The following C10orf90 variants were observed in gnomAD, a reference collection of about 807,000 sequenced individuals.
The protein encoded by C10orf90 is chromosome 10 open reading frame 90.
C10orf90 carries 56 observed loss-of-function variants against 62.5 expected under a neutral mutation model. That is an observed-to-expected ratio of 0.90 (90% CI 0.72 to 1.12). C10orf90 has a LOEUF of 1.12. Among genes scored for constraint, C10orf90 ranks in the 50% most tolerant of loss-of-function variants. The pLI is 0.00. For missense variants in C10orf90, 970 were observed against 880.4 expected, an observed-to-expected ratio of 1.10 and a Z score of -1.29; for synonymous variants, 386 against 340.4, an observed-to-expected ratio of 1.13 and a Z score of -1.47.
intron 2 of C10orf90, among the ~76,000 whole-genome samples, chr10:126,623,018 G>A (rs886844357): frequency 1.1e-4 from 16 of 152,170 alleles, no homozygotes; most frequent in African/African-American, 3.9e-4. Flanking sequence ...CATCCTCCAT[G>A]GGAGATGTAG....
At chr10:126,455,946 G>A (rs1451270927) in intron 7 of C10orf90, among the ~76,000 whole-genome samples, 1 of 152,278 alleles carries the variant, frequency 6.6e-6, no homozygotes, top group Non-Finnish European at 1.5e-5. Context: ...GTCAGCTGCC[G>A]GGGCTCCCAC....
chr10:126,485,166 T>C (rs980404175), intron 4 of C10orf90, among the ~76,000 whole-genome samples: 1 of 152,180 alleles, frequency 6.6e-6, no homozygotes. Context: ...CAGCAGCCAG[T>C]GAGCTAGCTA....
chr10:126,657,543 C>A (rs1221547502), intron 1 of C10orf90, among the ~76,000 whole-genome samples: 1 of 151,538 alleles, frequency 6.6e-6, no homozygotes, highest in East Asian at 1.9e-4. Context: ...TCCAATTGAT[C>A]AATTTTTTTT....
rs779964630 is a variant in C10orf90 at position 126,504,246 on chromosome 10, G to T, written c.1245C>A (p.Ala415=). The T allele has an allele frequency of 7.4e-6, 12 of 1,614,114 alleles. No individual in the cohort carries two copies. Among genetic ancestry groups the T allele is most frequent in the Non-Finnish European group, 1.0e-5 (12 of 1,180,022 alleles). ...GLVNREPISE[A]LKQELLEGDQ... ...CTCCCTCCAGGAGCTCCTGCTTCAG[G>T]GCTTCGCTTATTGGCTCTCTGTTCA... Residue 415 remains alanine (A), a synonymous_variant, in exon 4 of 10, where the codon GCC becomes GCA. Coordinates refer to ENST00000488181, the MANE Select transcript of C10orf90 (RefSeq NM_001350921.2). This position sits in a 1 kb window ranked among gnomAD's most constrained non-coding sequence, Gnocchi z 4.1.
At chr10:126,610,192 G>C (rs920459767) in intron 2 of C10orf90, among the ~76,000 whole-genome samples, 9 of 152,318 alleles carry the variant, frequency 5.9e-5, no homozygotes, top group Admixed American at 2.0e-4. Context: ...GCTTCTAGGG[G>C]GTTCACCCAA....
At chr10:126,563,180 C>T (rs1181785709) in intron 2 of C10orf90, among the ~76,000 whole-genome samples, 1 of 152,222 alleles carries the variant, frequency 6.6e-6, no homozygotes, top group Non-Finnish European at 1.5e-5. Context: ...CACGTCCACT[C>T]ACTGCCTTGG....
chr10:126,451,773 T>G (rs1018149067), intron 7 of C10orf90, among the ~76,000 whole-genome samples: 7 of 152,150 alleles, frequency 4.6e-5, no homozygotes, highest in South Asian at 2.1e-4. Flanking sequence ...TCCTGTCATC[T>G]GCAACACCAG....
chr10:126,457,933 T>A (rs899752075), intron 7 of C10orf90, among the ~76,000 whole-genome samples: 2 of 152,178 alleles, frequency 1.3e-5, no homozygotes, highest in African/African-American at 4.8e-5. Flanking sequence ...TCTTTGCACA[T>A]CCCCTTTCGT....
At chr10:126,499,878 G>A (rs1381361387) in intron 4 of C10orf90, among the ~76,000 whole-genome samples, 2 of 152,136 alleles carry the variant, frequency 1.3e-5, no homozygotes, top group African/African-American at 4.8e-5. Context: ...CCTCTACTTG[G>A]ATATCTCAGA....
chr10:126,537,611 T>A (rs1050705679), intron 2 of C10orf90, among the ~76,000 whole-genome samples: 1 of 152,200 alleles, frequency 6.6e-6, no homozygotes, highest in East Asian at 1.9e-4. Context: ...TCACCACTTT[T>A]TAAGTTCTCT....
chr10:126,566,252 G>T (rs1844386709), intron 2 of C10orf90, among the ~76,000 whole-genome samples: 1 of 152,198 alleles, frequency 6.6e-6, no homozygotes, highest in African/African-American at 2.4e-5. Context: ...AGCTATGATT[G>T]AAAGACAGTA....
chr10:126,565,174 AT>A (rs1844323843), intron 2 of C10orf90, among the ~76,000 whole-genome samples: 2 of 69,642 alleles, frequency 2.9e-5, no homozygotes, highest in Non-Finnish European at 5.0e-5. Flanking sequence ...TATATTACAT[AT>A]TATGTAATAT....
intron 2 of C10orf90, among the ~76,000 whole-genome samples, chr10:126,563,981 G>A (rs934848180): frequency 1.3e-5 from 2 of 152,158 alleles, no homozygotes; most frequent in Non-Finnish European, 2.9e-5. Flanking sequence ...GCTGTCCTGT[G>A]CCTTGTGGGA....
chr10:126,557,189 GA>G (rs1176371371), intron 2 of C10orf90, among the ~76,000 whole-genome samples: 1 of 151,904 alleles, frequency 6.6e-6, no homozygotes, highest in Non-Finnish European at 1.5e-5. Flanking sequence ...TTCAGATTAA[GA>G]AATAAATGTG....
intron 3 of C10orf90, among the ~76,000 whole-genome samples, chr10:126,506,359 C>T (rs986769700): frequency 6.6e-6 from 1 of 152,210 alleles, no homozygotes; most frequent in Non-Finnish European, 1.5e-5. Context: ...AGGGTCCTGG[C>T]CCCCGTTTAG....
At chr10:126,429,084 A>G (rs906852836) in intron 8 of C10orf90, among the ~76,000 whole-genome samples, 1 of 152,164 alleles carries the variant, frequency 6.6e-6, no homozygotes, top group African/African-American at 2.4e-5. Flanking sequence ...CCTGTGCTAG[A>G]CACTTTATTA....
rs1859974817 is a variant in C10orf90 at position 126,461,493 on chromosome 10, A to G, written c.1918T>C (p.Ser640Pro). 3 of 1,613,854 alleles carry G rather than the reference A, an allele frequency of 1.9e-6. No individual in the cohort carries two copies. Among genetic ancestry groups the G allele is most frequent in the Non-Finnish European group, 2.5e-6 (3 of 1,179,978 alleles). The change falls in exon 6 of 10, where the codon TCG becomes CCG. Residue 640 changes from serine to proline, a missense_variant. By Grantham distance (74) the Ser-to-Pro change is moderately conservative (BLOSUM62 -1). Coordinates refer to ENST00000488181, the MANE Select transcript of C10orf90 (RefSeq NM_001350921.2). The part of the protein sequence containing the change: ...TTPEPSPAAP[S>P]PAPRDGAGSP... ...CCTGCTCCATCGCGGGGTGCTGGCG[A>G]GGGTGCTGCTGGGGAGGGCTCAGGT...
chr10:126,598,151 G>A (rs1410429676), intron 2 of C10orf90, among the ~76,000 whole-genome samples: 1 of 152,160 alleles, frequency 6.6e-6, no homozygotes, highest in Admixed American at 6.5e-5. Context: ...CTGTCCTAGG[G>A]ATCTCAATAG....
chr10:126,655,232 C>T (rs957453307), intron 1 of C10orf90, among the ~76,000 whole-genome samples: 5 of 152,074 alleles, frequency 3.3e-5, no homozygotes, highest in East Asian at 1.9e-4. Flanking sequence ...GCAGGGGAAT[C>T]GCTTGAACCC....
Sources: allele counts gnomAD v4.1 joint callset (sites outside exome capture counted in the v4.1 genomes callset), GRCh38; gene constraint gnomAD v4.1.1; non-coding constraint Gnocchi (gnomAD v3.1); transcripts MANE v1.5; gene names NCBI Gene and HGNC (gene_info 2026-07-23, HGNC 2026-07-21).